Variants in MISP observed in about 807,000 individuals in gnomAD.
MISP encodes the protein mitotic spindle positioning, also known as mitotic interactor and substrate of PLK1.
A neutral mutation model predicts 49.3 loss-of-function variants in MISP; 51 were observed. The ratio of observed to expected loss-of-function variants is 1.03; its 90% CI spans 0.83 to 1.31. MISP has a LOEUF of 1.31. MISP is among the 50% of genes most tolerant of loss of function. The pLI is 0.00. For synonymous variants in MISP, 444 were observed against 392.6 expected (o/e 1.13, Z -1.55); for missense variants, 1,084 against 935.1 (o/e 1.16, Z -2.08).
At chr19:763,285 AC>A (rs1027696232) in intron 4 of MISP, among the ~76,000 whole-genome samples, 54 of 152,172 alleles carry the variant, frequency 3.5e-4, no homozygotes, top group African/African-American at 1.3e-3. Flanking sequence ...TCAAAAACAA[AC>A]AAAAAAGCCA....
rs145428752 is a variant in MISP at position 757,006 on chromosome 19, C to T, written c.60C>T (p.Gly20=). Residue 20 remains glycine, a synonymous_variant, in exon 2 of 5, where the codon GGC becomes GGT. Transcript: ENST00000215582. ...TCCCTCAGGCACACCGTGGCACCGG[C>T]CTGGTGCTGGATGGAGACACCAGCT... ...LGIPQAHRGT[G]LVLDGDTSYT... 3 of 1,603,104 alleles carry T rather than the reference C, an allele frequency of 1.9e-6. No individual in the cohort carries two copies. Among genetic ancestry groups the T allele is most frequent in the Non-Finnish European group, 2.6e-6 (3 of 1,174,372 alleles).
upstream of MISP, among the ~76,000 whole-genome samples, chr19:750,183 C>T (rs1194158360): frequency 3.9e-5 from 5 of 128,616 alleles, no homozygotes; most frequent in East Asian, 4.9e-4. Context: ...CGGCCTCGTG[C>T]GGTTCTTTTT....
At chr19:754,791 G>A (rs900877900) in intron 1 of MISP, among the ~76,000 whole-genome samples, 4 of 152,202 alleles carry the variant, frequency 2.6e-5, no homozygotes, top group Non-Finnish European at 5.9e-5. Flanking sequence ...AGGCAGCCTC[G>A]AGACAGAGAG....
At chr19:761,229 A>G (rs1439472653) in intron 3 of MISP, among the ~76,000 whole-genome samples, 2 of 149,028 alleles carry the variant, frequency 1.3e-5, no homozygotes, top group Admixed American at 1.3e-4. Flanking sequence ...AGCTGGAATT[A>G]CAGGTACGTG....
At chr19:750,791 G>T (rs994260707), upstream of MISP, among the ~76,000 whole-genome samples, 2 of 152,184 alleles carry the variant, frequency 1.3e-5, no homozygotes, top group Admixed American at 6.5e-5. Flanking sequence ...CACTGTGCAC[G>T]CTGAGCTGCT....
At position 763,689 on chromosome 19, in the gene MISP, C is replaced by T. The variant is rs1599190663; in HGVS notation, c.*99C>T. The T allele has an allele frequency of 8.6e-6, 7 of 809,562 alleles. No individual in the cohort carries two copies. The East Asian group carries it at 1.9e-4, about 22-fold the overall frequency. 50.1% of individuals were successfully genotyped at this position (809,562 alleles called of 1,614,324 possible). On this transcript the variant is annotated 3_prime_UTR_variant, in exon 5 of 5. Transcript: ENST00000215582. ...CCACCCTAGGAAATGGGTCCTAGGT[C>T]CAGGATCCAAGAACCACAGCTCATC...
At position 763,655 on chromosome 19, in the gene MISP, G is replaced by A. The variant is rs558937718; in HGVS notation, c.*65G>A. On this transcript the variant is annotated 3_prime_UTR_variant, in exon 5 of 5. Transcript: ENST00000215582. ...CCTCGTGGGAACTGCCAAGACCATCGCCAAGCCCCCACCCTAGGAAATGGG... is the reference window on the plus strand; with the variant it reads ...CCTCGTGGGAACTGCCAAGACCATCACCAAGCCCCCACCCTAGGAAATGGG... 4 of 1,192,802 alleles carry A rather than the reference G, an allele frequency of 3.4e-6. No individual in the cohort carries two copies. In the African/African-American group the frequency reaches 4.5e-5, roughly 13 times the overall value. The allele number at this position is 1,192,802 out of a possible 1,614,324, so 73.9% of individuals were successfully genotyped here.
intron 1 of MISP, among the ~76,000 whole-genome samples, chr19:752,208 G>A (rs187679733): frequency 3.3e-5 from 5 of 152,254 alleles, no homozygotes; most frequent in Admixed American, 2.0e-4. Context: ...TCAGGACGCC[G>A]AGGTCCTTAG....
upstream of MISP, among the ~76,000 whole-genome samples, chr19:750,686 G>A (rs148929735): frequency 1.3e-5 from 2 of 152,188 alleles, no homozygotes. Context: ...GCAAGAAGGG[G>A]GCCATCTAGG....
rs1568242751 is a variant in MISP, at chr19:757,866, T to C, written c.920T>C (p.Leu307Pro). 7 of 1,610,032 alleles carry C rather than the reference T, an allele frequency of 4.3e-6. No homozygotes were observed. The highest frequency in any genetic ancestry group is 5.9e-6 in the Non-Finnish European group (7 of 1,179,684). The change falls in exon 2 of 5, where the codon CTG (leucine) becomes CCG (proline). Residue 307 changes from leucine to proline, a missense_variant. Physicochemically the swap from Leu to Pro is moderately conservative, Grantham distance 98. Transcript: ENST00000215582. ...CTGGCTCAGGAGCGTGAGGCAGACC[T>C]GCGAGAGCAGAGGGGGCTTCGGCAG... ...IRLAQEREADLREQRGLRQAT... is the reference protein window; with the variant it reads ...IRLAQEREADPREQRGLRQAT...
Position 763,664 on chromosome 19 carries a change from C to T in MISP, c.*74C>T, listed in dbSNP as rs1456809356. 3 of 1,100,908 alleles carry T rather than the reference C, an allele frequency of 2.7e-6. No individual in the cohort carries two copies. The highest frequency in any genetic ancestry group is 2.7e-6 in the Non-Finnish European group (2 of 739,300). 68.2% of individuals were successfully genotyped at this position (1,100,908 alleles called of 1,614,324 possible). ...AACTGCCAAGACCATCGCCAAGCCCCCACCCTAGGAAATGGGTCCTAGGTC... is the reference window on the plus strand; with the variant it reads ...AACTGCCAAGACCATCGCCAAGCCCTCACCCTAGGAAATGGGTCCTAGGTC... On this transcript the variant is annotated 3_prime_UTR_variant, in exon 5 of 5. Transcript: ENST00000215582.
At position 758,296 on chromosome 19, in the gene MISP, C is replaced by T. The variant is rs760068634; in HGVS notation, c.1350C>T (p.Leu450=). 3 of 1,614,048 alleles carry T rather than the reference C, an allele frequency of 1.9e-6. No individual in the cohort carries two copies. The highest frequency in any genetic ancestry group is 1.1e-5 in the South Asian group (1 of 91,092). The change falls in exon 2 of 5, where the codon CTC becomes CTT. Residue 450 remains leucine (L), a synonymous_variant. Coordinates refer to ENST00000215582, the MANE Select transcript of MISP (RefSeq NM_173481.4). ...GAGCATTCGGCAAGCCCAGCAGTCT[C>T]TCCACAGCGGAGGCCAAGGCTGCGA... ...AFGAFGKPSS[L]STAEAKAATS... is the part of the protein sequence containing the mutation.
At chr19:762,241 C>T (rs1204620242) in intron 4 of MISP, among the ~76,000 whole-genome samples, 6 of 148,604 alleles carry the variant, frequency 4.0e-5, no homozygotes, top group Middle Eastern at 3.7e-3. Context: ...CGCGAGCCAC[C>T]GCGCCCGGCC....
In MISP at chr19:758,432, A is replaced by C; in HGVS notation, c.1486A>C (p.Arg496=). 1 of 1,614,162 alleles carries C rather than the reference A, an allele frequency of 6.2e-7. No individual in the cohort carries two copies. Among genetic ancestry groups the C allele is most frequent in the Non-Finnish European group, 8.5e-7 (1 of 1,180,018 alleles). The change falls in exon 2 of 5, where the codon AGG becomes CGG. Residue 496 remains arginine, a synonymous_variant. Transcript: ENST00000215582. ...CCCTCGGGGATGCCCGCAAGCCAAC[A>C]GGGGTGTCGTGCGGTGGGAGTACTT... ...KPPRGCPQAN[R]GVVRWEYFRL...
upstream of MISP, among the ~76,000 whole-genome samples, chr19:749,650 G>A (rs924582773): frequency 2.6e-5 from 4 of 152,140 alleles, no homozygotes; most frequent in African/African-American, 7.2e-5. Flanking sequence ...GGCTAACGTG[G>A]CAAAACCCTG....
At chr19:749,214 C>G (rs1033215359), upstream of MISP, among the ~76,000 whole-genome samples, 2 of 152,202 alleles carry the variant, frequency 1.3e-5, no homozygotes, top group Admixed American at 1.3e-4. Flanking sequence ...CTCCACAGTG[C>G]CCCCAGCTCA....
chr19:759,645 C>A (rs1462969113), intron 2 of MISP, among the ~76,000 whole-genome samples: 2 of 152,004 alleles, frequency 1.3e-5, no homozygotes, highest in African/African-American at 4.8e-5. Context: ...CGTGATCCAC[C>A]CACCTCGGCC....
chr19:752,669 C>T (rs983691028), intron 1 of MISP, among the ~76,000 whole-genome samples: 1 of 135,940 alleles, frequency 7.4e-6, no homozygotes, highest in African/African-American at 2.8e-5. Flanking sequence ...GAGGAGGATG[C>T]GTGCCTTCAT....
At chr19:758,968 G>A (rs1303766506) in intron 2 of MISP, among the ~76,000 whole-genome samples, 1 of 152,188 alleles carries the variant, frequency 6.6e-6, no homozygotes, top group Non-Finnish European at 1.5e-5. Flanking sequence ...CTTGTTGTTA[G>A]GCGCATAAAT....
Sources: gnomAD v4.1 joint callset for allele counts (sites outside exome capture counted in the v4.1 genomes callset) on GRCh38, gnomAD v4.1.1 for gene constraint, MANE v1.5 for transcripts, NCBI Gene and HGNC (gene_info 2026-07-23, HGNC 2026-07-21) for gene names.